The following SMIM40 variants were observed in gnomAD, a reference collection of about 807,000 sequenced individuals.
SMIM40 encodes small integral membrane protein 40.
intron 1 of SMIM40, among the ~76,000 whole-genome samples, chr6:33,328,693 C>G (rs1167402609): frequency 6.6e-6 from 1 of 151,710 alleles, no homozygotes; most frequent in Non-Finnish European, 1.5e-5. Context: ...TGGAGACCTG[C>G]CTGACTAACA....
At chr6:33,328,112 A>C (rs889912680) in intron 1 of SMIM40, among the ~76,000 whole-genome samples, 2 of 151,782 alleles carry the variant, frequency 1.3e-5, no homozygotes, top group African/African-American at 4.8e-5. Context: ...TTAAAAAATA[A>C]ATAAAATGTG....
At position 33,325,959 on chromosome 6, in the gene SMIM40, G is replaced by C. The variant is rs1223442231; in HGVS notation, c.*40-1929C>G. ...TCCAGAATAATTTTTAACAACTAGAGTCTTACAATCACAAGAAAGATATTT... is the reference window on the plus strand; with the variant it reads ...TCCAGAATAATTTTTAACAACTAGACTCTTACAATCACAAGAAAGATATTT... On this transcript the variant is annotated intron_variant, in intron 1 of 2. Coordinates refer to ENST00000494082, the MANE Select transcript of SMIM40 (RefSeq NM_001369203.1). Among the ~76,000 whole-genome samples, 2 of 149,230 alleles carry C rather than the reference G, an allele frequency of 1.3e-5. 1 individual carries two copies. Among genetic ancestry groups the C allele is most frequent in the African/African-American group, 5.1e-5 (2 of 38,836 alleles).
In SMIM40 at chr6:33,326,404, C is replaced by A. The variant is rs557547018; in HGVS notation, c.*40-2374G>T. 2.7e-5 allele frequency among the ~76,000 whole-genome samples: 4 copies of A among 148,152 alleles called. No individual in the cohort carries two copies. In the South Asian group the frequency reaches 8.4e-4, roughly 31 times the overall value. ...TGTTGGCCAGGCTGGTCTCAAACTC[C>A]TGACCTCGTGATCCACCCAACTCAG... is the stretch of plus-strand genomic sequence containing the variant. On this transcript the variant is annotated intron_variant, in intron 1 of 2. Transcript: ENST00000494082.
At chr6:33,327,994 G>C (rs938708349) in intron 1 of SMIM40, among the ~76,000 whole-genome samples, 1 of 150,362 alleles carries the variant, frequency 6.7e-6, no homozygotes, top group African/African-American at 2.4e-5. Flanking sequence ...GCTGTGGCAG[G>C]AGAATTGCTT....
chr6:33,328,886 CAAAAA>C, intron 1 of SMIM40, 96 bp downstream of exon 1: 90 of 273,550 alleles, frequency 3.3e-4, no homozygotes, highest in East Asian at 9.3e-4. Flanking sequence ...AACTCCATCT[CAAAAA>C]AAAAAAAAAA....
At chr6:33,324,545 C>CTTTTTT (rs9280406) in intron 1 of SMIM40, among the ~76,000 whole-genome samples, 6 of 103,144 alleles carry the variant, frequency 5.8e-5, no homozygotes, top group Admixed American at 1.1e-4. Context: ...ACCACCTTTT[C>CTTTTTT]TTTTTTTTTT....
intron 1 of SMIM40, among the ~76,000 whole-genome samples, chr6:33,324,478 T>G (rs1771005632): frequency 6.6e-6 from 1 of 150,994 alleles, no homozygotes; most frequent in Admixed American, 6.6e-5. Flanking sequence ...GGGGTAATCT[T>G]ACCTGTTTAA....
rs1380452896 is a variant in SMIM40, at chr6:33,326,577, C to T, written c.*39+2410G>A. ...TGGTGACTCATGCCTGTAATCCTAC[C>T]ACTTTGGGAGGCCGAGGCGGGCAGA... is the stretch of plus-strand genomic sequence containing the variant. On this transcript the variant is annotated intron_variant, in intron 1 of 2. Coordinates refer to ENST00000494082, the MANE Select transcript of SMIM40 (RefSeq NM_001369203.1). Among the ~76,000 whole-genome samples the T allele has an allele frequency of 5.4e-5, 8 of 149,214 alleles. 2 individuals are homozygous for T. The highest frequency in any genetic ancestry group is 2.1e-4 in the African/African-American group (8 of 38,728).
Position 33,327,107 on chromosome 6 carries a change from CAG to C in SMIM40, c.*39+1878_*39+1879del, listed in dbSNP as rs542964772. On this transcript the variant is annotated intron_variant, in intron 1 of 2. Coordinates refer to ENST00000494082, the MANE Select transcript of SMIM40 (RefSeq NM_001369203.1). ...CCACTACACTCCAGCATGGGCAACA[CAG>C]AGAGACTGTGTCTCAAAAAAATAAA... is the stretch of plus-strand genomic sequence containing the variant. Among the ~76,000 whole-genome samples the C allele has an allele frequency of 5.4e-4, 78 of 144,028 alleles. 3 individuals are homozygous for C. Among genetic ancestry groups the C allele is most frequent in the Admixed American group, 8.2e-4 (12 of 14,598 alleles). 94.5% of individuals were successfully genotyped at this position (144,028 alleles called of 152,430 possible).
In SMIM40 at chr6:33,325,468, C is replaced by T. The variant is rs1771111205; in HGVS notation, c.*40-1438G>A. Among the ~76,000 whole-genome samples, 3 of 149,058 alleles carry T rather than the reference C, an allele frequency of 2.0e-5. No individual in the cohort carries two copies. In the South Asian group the frequency reaches 6.2e-4, roughly 31 times the overall value. On this transcript the variant is annotated intron_variant, in intron 1 of 2. Coordinates refer to ENST00000494082, the MANE Select transcript of SMIM40 (RefSeq NM_001369203.1). ...AAGCAATCTTCCCACCTCAGCGTCT[C>T]AAAGTGCTGGGATTATGGGCGTGAA...
intron 1 of SMIM40, among the ~76,000 whole-genome samples, chr6:33,327,282 C>T (rs141500827): frequency 0.013 from 1,889 of 144,960 alleles, 215 homozygotes; most frequent in African/African-American, 0.047. Context: ...ATTAGCTGGG[C>T]GTGGTGGCTC....
chr6:33,324,943 A>G (rs1031315538), intron 1 of SMIM40, among the ~76,000 whole-genome samples: 8 of 145,928 alleles, frequency 5.5e-5, no homozygotes, highest in Non-Finnish European at 1.0e-4. Context: ...TCTATCACCC[A>G]GGCTGGAATG....
At chr6:33,324,968 T>C (rs9277976) in intron 1 of SMIM40, among the ~76,000 whole-genome samples, 9,343 of 143,132 alleles carry the variant, frequency 0.065, 401 homozygotes, top group Middle Eastern at 0.12. Context: ...GGTACGGTCA[T>C]AGCTCACTGT....
intron 1 of SMIM40, among the ~76,000 whole-genome samples, chr6:33,328,396 G>C (rs111265130): frequency 0.044 from 6,618 of 151,326 alleles, 499 homozygotes; most frequent in African/African-American, 0.15. Context: ...CACCATATTT[G>C]CCAGACTGGT....
At position 33,329,075 on chromosome 6, in the gene SMIM40, C is replaced by G. The variant is rs1001232931; in HGVS notation, c.191G>C (p.Gly64Ala). Residue 64 changes from glycine to alanine, a missense_variant, in exon 1 of 3, where the codon GGG becomes GCG. By Grantham distance (60) the Gly-to-Ala change is moderately conservative. Transcript: ENST00000494082. ...CTGAGGTGTCCCCAGGAGCCAGTCC[C>G]CTAACTTTGCCCATAGTAGTAACCA... ...LLWLLLWAKL[G>A]DWLLGTPQKE... The G allele has an allele frequency of 2.5e-6, 1 of 398,612 alleles. No homozygotes were observed. Among genetic ancestry groups the G allele is most frequent in the Non-Finnish European group, 4.4e-6 (1 of 226,192 alleles). 24.7% of individuals were successfully genotyped at this position (398,612 alleles called of 1,614,324 possible). A position where few individuals can be genotyped will look rare whatever the true frequency, so the allele number is the denominator to read the frequency against.
At chr6:33,324,087 A>C (rs1026674946) in intron 1 of SMIM40, 57 bp from the exon 2 acceptor site, 1 of 152,354 alleles carries the variant, frequency 6.6e-6, no homozygotes, top group African/African-American at 2.4e-5. Flanking sequence ...TCCCATTTCC[A>C]CAAGTGGTGG....
intron 1 of SMIM40, among the ~76,000 whole-genome samples, chr6:33,325,422 G>A (rs1445392317): frequency 1.3e-5 from 2 of 148,368 alleles, no homozygotes; most frequent in Non-Finnish European, 2.9e-5. Context: ...TTGCCCAGAT[G>A]GATCTTGAGC....
chr6:33,326,061 C>T (rs998277735), intron 1 of SMIM40, among the ~76,000 whole-genome samples: 1 of 148,554 alleles, frequency 6.7e-6, no homozygotes, highest in African/African-American at 2.6e-5. Context: ...AGTATAAAAG[C>T]ATAAAGTTTG....
chr6:33,328,280 G>T (rs760410045), intron 1 of SMIM40, among the ~76,000 whole-genome samples: 1 of 150,688 alleles, frequency 6.6e-6, no homozygotes, highest in Non-Finnish European at 1.5e-5. Context: ...CTGCCTCCCG[G>T]GTTCAAGCAA....
Sources: allele counts gnomAD v4.1 joint callset (sites outside exome capture counted in the v4.1 genomes callset), GRCh38; gene constraint gnomAD v4.1.1; transcripts MANE v1.5; gene names NCBI Gene and HGNC (gene_info 2026-07-23, HGNC 2026-07-21).